SYTL2: variants seen among roughly 807,000 people sequenced by gnomAD.
SYTL2 encodes the protein synaptotagmin like 2, also known as synaptotagmin-like protein 2.
A neutral mutation model predicts 198.7 loss-of-function variants in SYTL2; 165 were observed. The ratio of observed to expected loss-of-function variants is 0.83; its 90% CI spans 0.73 to 0.94. The LOEUF (loss-of-function observed/expected upper bound fraction) is 0.94, where lower values mean the gene tolerates loss of function less well. Among genes scored for constraint, SYTL2 ranks in the 40% least tolerant of loss-of-function variants. The pLI, the probability that SYTL2 is intolerant of heterozygous loss-of-function variation, is 0.00. For missense variants in SYTL2, 2,835 were observed against 2,582.8 expected (o/e 1.10, Z -2.12); for synonymous variants, 966 against 917.7 (o/e 1.05, Z -0.95).
chr11:85,789,373 TATATGTATATATATATATATATATATAA>T lies in SYTL2; in HGVS notation c.-390+21553_-390+21580del, dbSNP rs1566026390. 6.7e-3 allele frequency among the ~76,000 whole-genome samples: 398 copies of T among 59,274 alleles called. 3 individuals are homozygous for T. Among genetic ancestry groups the T allele is most frequent in the South Asian group, 0.01 (15 of 1,456 alleles). 38.9% of individuals were successfully genotyped at this position (59,274 alleles called of 152,430 possible). A position where few individuals can be genotyped will look rare whatever the true frequency, so the allele number is the denominator to read the frequency against. On this transcript the variant is annotated intron_variant, in intron 1 of 19. Coordinates refer to ENST00000359152, the MANE Select transcript of SYTL2 (RefSeq NM_206927.4). ...ATATATATATATATATATATATATA[TATATGTATATATATATATATATATATAA>T]TTTTTTTTTTTTTTGTAGAGACAAA... is the stretch of plus-strand genomic sequence containing the variant.
the SYTL2 span, chr11:85,853,104 G>A: frequency 5.6e-5 from 16 of 284,164 alleles, no homozygotes; most frequent in South Asian, 7.9e-5. Context: ...CTGCCCGGCC[G>A]CCCCTTCTGG....
chr11:85,817,435 T>C, the SYTL2 span, among the ~76,000 whole-genome samples: 2 of 152,236 alleles, frequency 1.3e-5, no homozygotes, highest in African/African-American at 4.8e-5. Context: ...ATCAGTAATT[T>C]TGTATTGATT....
rs1292577125 is a variant in SYTL2 at position 85,758,438 on chromosome 11, G to A, written c.-389-324C>T. Reference sequence around the variant, plus strand: ...AAAAAGTCATGTTAAAGGTCAGTAAGATCAGGGATATGTGATTCCAGTGGT... The same window carrying A: ...AAAAAGTCATGTTAAAGGTCAGTAAAATCAGGGATATGTGATTCCAGTGGT... On this transcript the variant is annotated intron_variant, in intron 1 of 19. Transcript: ENST00000359152. 5.9e-5 allele frequency among the ~76,000 whole-genome samples: 9 copies of A among 152,354 alleles called. No homozygotes were observed. The South Asian group carries it at 1.7e-3, about 28-fold the overall frequency.
At chr11:85,770,167 T>C (rs570920996) in intron 1 of SYTL2, among the ~76,000 whole-genome samples, 1 of 152,306 alleles carries the variant, frequency 6.6e-6, no homozygotes, top group East Asian at 1.9e-4. Context: ...TTGCATCTGC[T>C]ATACAAATCC....
At chr11:85,833,331 C>CACA in the SYTL2 span, among the ~76,000 whole-genome samples, 1 of 146,686 alleles carries the variant, frequency 6.8e-6, no homozygotes, top group Non-Finnish European at 1.5e-5. Flanking sequence ...CAATATATAT[C>CACA]ATATATATCA....
intron 2 of SYTL2, among the ~76,000 whole-genome samples, chr11:85,750,286 T>A (rs2091436636): frequency 6.6e-6 from 1 of 152,200 alleles, no homozygotes; most frequent in South Asian, 2.1e-4. Context: ...ATGATTGAGA[T>A]GTTTAACTGA....
At chr11:85,812,313 T>C (rs2093045396), upstream of SYTL2, among the ~76,000 whole-genome samples, 2 of 152,070 alleles carry the variant, frequency 1.3e-5, no homozygotes, top group East Asian at 1.9e-4. Context: ...CTCCCAAACT[T>C]ACAAATACTT....
At chr11:85,839,476 T>C in the SYTL2 span, among the ~76,000 whole-genome samples, 4 of 152,130 alleles carry the variant, frequency 2.6e-5, no homozygotes, top group Non-Finnish European at 5.9e-5. Flanking sequence ...GTGGGGATGG[T>C]TGAACTCTCA....
intron 16 of SYTL2, among the ~76,000 whole-genome samples, chr11:85,703,542 TG>T (rs1009572940): frequency 3.3e-5 from 5 of 152,066 alleles, no homozygotes; most frequent in African/African-American, 9.7e-5. Flanking sequence ...CCTCCAAGAT[TG>T]AAAAAGATGT....
At chr11:85,719,288 GAA>G (rs2087885289) in intron 9 of SYTL2, 6 of 1,167,958 alleles carry the variant, frequency 5.1e-6, no homozygotes, top group Non-Finnish European at 6.4e-6. Flanking sequence ...GAAGTCAACT[GAA>G]GAGATGTAAC....
At position 85,756,337 on chromosome 11, in the gene SYTL2, C is replaced by T. The variant is rs1056594514; in HGVS notation, c.101+1288G>A. Among the ~76,000 whole-genome samples, 9 of 152,184 alleles carry T rather than the reference C, an allele frequency of 5.9e-5. No homozygotes were observed. The East Asian group carries it at 1.5e-3, about 26-fold the overall frequency. ...TGAGGAACAGCATGATCCCCACTAC[C>T]TACAGCCACTGCTTGTCATCATAGC... On this transcript the variant is annotated intron_variant, in intron 2 of 19. Transcript: ENST00000359152.
chr11:85,700,786 C>A (rs528378332), intron 16 of SYTL2, among the ~76,000 whole-genome samples, 193 bp from the exon 17 acceptor site: 1 of 152,296 alleles, frequency 6.6e-6, no homozygotes, highest in East Asian at 1.9e-4. Context: ...GGTTGTATAT[C>A]TTGAAAAATC....
intron 1 of SYTL2, among the ~76,000 whole-genome samples, chr11:85,797,838 T>TTTGTTGTTG (rs532015361): frequency 6.6e-6 from 1 of 151,114 alleles, no homozygotes; most frequent in African/African-American, 2.4e-5. Context: ...CCACAAAGTT[T>TTTGTTGTTG]TTGTTGTTGT....
chr11:85,701,471 A>G (rs1271454610), intron 16 of SYTL2, among the ~76,000 whole-genome samples: 1 of 152,240 alleles, frequency 6.6e-6, no homozygotes, highest in East Asian at 1.9e-4. Flanking sequence ...CTAAACCTGT[A>G]TAAGAAACCT....
chr11:85,725,018 C>G lies in SYTL2; in HGVS notation c.4340G>C (p.Gly1447Ala). The G allele has an allele frequency of 1.9e-6, 3 of 1,614,054 alleles. No individual in the cohort carries two copies. The highest frequency in any genetic ancestry group is 2.5e-6 in the Non-Finnish European group (3 of 1,179,964). ...NVVPDKTHEVGSYLAAQMSPS... is the reference protein window; with the variant it reads ...NVVPDKTHEVASYLAAQMSPS... ...AGACATTTGGGCAGCTAAATAAGAT[C>G]CAACTTCATGAGTTTTATCAGGAAC... Residue 1447 changes from glycine to alanine, a missense_variant, in exon 8 of 20, where the codon GGA (glycine) becomes GCA (alanine). Physicochemically the swap from Gly to Ala is moderately conservative, Grantham distance 60. Transcript: ENST00000359152.
At chr11:85,747,474 A>G (rs1483250979) in intron 3 of SYTL2, among the ~76,000 whole-genome samples, 3 of 152,136 alleles carry the variant, frequency 2.0e-5, no homozygotes, top group African/African-American at 7.2e-5. Flanking sequence ...AGATGGGTGG[A>G]TAAGTAAAGA....
At chr11:85,746,481 T>C (rs1314869292) in intron 3 of SYTL2, among the ~76,000 whole-genome samples, 1 of 152,238 alleles carries the variant, frequency 6.6e-6, no homozygotes, top group African/African-American at 2.4e-5. Context: ...TTTGCATGCA[T>C]TATTCTATGA....
In SYTL2 at chr11:85,698,001, G is replaced by A. The variant is rs867567101; in HGVS notation, c.6346C>T (p.His2116Tyr). 2 of 1,612,356 alleles carry A rather than the reference G, an allele frequency of 1.2e-6. No homozygotes were observed. The highest frequency in any genetic ancestry group is 2.7e-5 in the African/African-American group (2 of 74,882). ...CLDLPLLRGS[H>Y]LNSFVKCTIL... Reference sequence around the variant, plus strand: ...TACCATTTAACAAAAGAATTTAGATGACTTCCCCTTAGCAGTGGTAGATCA... The same window carrying A: ...TACCATTTAACAAAAGAATTTAGATAACTTCCCCTTAGCAGTGGTAGATCA... Residue 2116 changes from histidine (H) to tyrosine (Y), a missense_variant, in exon 18 of 20, where the codon CAT (histidine) becomes TAT (tyrosine). Physicochemically the swap from His to Tyr is moderately conservative, Grantham distance 83 (BLOSUM62 2). Coordinates refer to ENST00000359152, the MANE Select transcript of SYTL2 (RefSeq NM_206927.4).
rs1013931710 is a variant in SYTL2, at chr11:85,694,253, T to G, written c.*942A>C. The G allele has an allele frequency of 1.3e-5, 2 of 152,208 alleles. No homozygotes were observed. Among genetic ancestry groups the G allele is most frequent in the Non-Finnish European group, 2.9e-5 (2 of 68,034 alleles). 9.4% of individuals were successfully genotyped at this position (152,208 alleles called of 1,614,324 possible). A position where few individuals can be genotyped will look rare whatever the true frequency, so the allele number is the denominator to read the frequency against. ...GTTTAGAATTCCTAAAATATTTTAT[T>G]TAAAATGAGAAGTCACGCTAATTTT... On this transcript the variant is annotated 3_prime_UTR_variant, in exon 20 of 20. Transcript: ENST00000359152.
Sources: allele counts gnomAD v4.1 joint callset (sites outside exome capture counted in the v4.1 genomes callset), GRCh38; gene constraint gnomAD v4.1.1; transcripts MANE v1.5; gene names NCBI Gene and HGNC (gene_info 2026-07-23, HGNC 2026-07-21).